The following PTPRM variants were observed in gnomAD, a reference collection of about 807,000 sequenced individuals.
The protein encoded by PTPRM is receptor-type tyrosine-protein phosphatase mu.
A neutral mutation model predicts 186.7 loss-of-function variants in PTPRM; 47 were observed. That is an observed-to-expected ratio of 0.25 (90% CI 0.20 to 0.32). The LOEUF (loss-of-function observed/expected upper bound fraction) is 0.32, where lower values mean the gene tolerates loss of function less well. Among genes scored for constraint, PTPRM ranks in the 10% least tolerant of loss-of-function variants. The pLI is 1.00. For missense variants in PTPRM, 1,494 were observed against 1,865.0 expected (o/e 0.80, Z 3.66); for synonymous variants, 668 against 674.9 (o/e 0.99, Z 0.16).
intron 2 of PTPRM, among the ~76,000 whole-genome samples, chr18:7,870,661 A>G (rs2047937819): frequency 6.6e-6 from 1 of 152,204 alleles, no homozygotes; most frequent in Non-Finnish European, 1.5e-5. Flanking sequence ...AAAAAATCTG[A>G]TAGACAATTT....
intron 14 of PTPRM, chr18:8,155,139 C>T (rs898295827): frequency 6.6e-6 from 1 of 151,948 alleles, no homozygotes; most frequent in African/African-American, 2.4e-5. Flanking sequence ...CAGGTTTCAT[C>T]CATGTATAAT....
intron 14 of PTPRM, among the ~76,000 whole-genome samples, chr18:8,210,320 G>C (rs942897794): frequency 3.3e-5 from 5 of 152,074 alleles, no homozygotes; most frequent in Non-Finnish European, 7.4e-5. Context: ...CAAAAAAAGG[G>C]GTTGGGGGTG....
intron 7 of PTPRM, among the ~76,000 whole-genome samples, chr18:7,991,078 GA>G (rs1462009930): frequency 6.6e-6 from 1 of 152,124 alleles, no homozygotes; most frequent in Non-Finnish European, 1.5e-5. Context: ...TGAGAATGAA[GA>G]AACCATGAAT....
At chr18:7,864,856 G>A (rs2047596437) in intron 2 of PTPRM, among the ~76,000 whole-genome samples, 2 of 152,264 alleles carry the variant, frequency 1.3e-5, no homozygotes, top group East Asian at 1.9e-4. Flanking sequence ...ATTTGGCTGT[G>A]TCCTCACTTA....
chr18:7,931,499 G>A (rs919636323), intron 5 of PTPRM, among the ~76,000 whole-genome samples: 5 of 152,024 alleles, frequency 3.3e-5, no homozygotes, highest in Non-Finnish European at 7.4e-5. Flanking sequence ...AGATCAGATC[G>A]AGACCATCCT....
intron 32 of PTPRM, among the ~76,000 whole-genome samples, chr18:8,402,481 C>T (rs981411692): frequency 1.3e-5 from 2 of 152,192 alleles, no homozygotes; most frequent in African/African-American, 2.4e-5. Context: ...CATCTCTCCA[C>T]TAGGTGCATT....
intron 1 of PTPRM, among the ~76,000 whole-genome samples, chr18:7,705,964 TAA>T (rs2040078851): frequency 6.8e-6 from 1 of 147,794 alleles, no homozygotes; most frequent in South Asian, 2.1e-4. Context: ...TATATATATA[TAA>T]AAGGTAACAT....
chr18:7,631,890 A>T (rs1282589681), intron 1 of PTPRM, among the ~76,000 whole-genome samples: 1 of 152,240 alleles, frequency 6.6e-6, no homozygotes, highest in East Asian at 1.9e-4. Context: ...ATGCATAGTT[A>T]TTAACACTAA....
chr18:8,097,515 A>T (rs575301348), intron 11 of PTPRM, among the ~76,000 whole-genome samples: 9 of 152,350 alleles, frequency 5.9e-5, no homozygotes, highest in Admixed American at 2.6e-4. Flanking sequence ...TAGGATTGAC[A>T]CTTGGCTACT....
intron 31 of PTPRM, among the ~76,000 whole-genome samples, chr18:8,393,344 A>G (rs1265545345): frequency 6.6e-6 from 1 of 152,244 alleles, no homozygotes; most frequent in Non-Finnish European, 1.5e-5. Flanking sequence ...ATAGTTTGTG[A>G]TGACTTCTCA....
chr18:7,823,994 T>C (rs1387804922), intron 2 of PTPRM, among the ~76,000 whole-genome samples: 1 of 152,200 alleles, frequency 6.6e-6, no homozygotes, highest in Non-Finnish European at 1.5e-5. Context: ...TCTGTCTTTA[T>C]TGGCCCCTTG....
rs2048708561 is a variant in PTPRM at position 7,884,953 on chromosome 18, G to GAAAAAAAAAAAAAAAAAA, written c.197-3152_197-3151insAAAAAAAAAAAAAAAAAA. ...AAAAAAAAAAAAAAAAAAAAAAAAG[G>GAAAAAAAAAAAAAAAAAA]AGAGAGAGAAAATAGCAGATCTTGT... On this transcript the variant is annotated intron_variant, in intron 2 of 32. Coordinates refer to ENST00000580170, the MANE Select transcript of PTPRM (RefSeq NM_001105244.2). 8.1e-5 allele frequency among the ~76,000 whole-genome samples: 9 copies of GAAAAAAAAAAAAAAAAAA among 110,514 alleles called. No individual in the cohort carries two copies. In the South Asian group the frequency reaches 1.0e-3, roughly 12 times the overall value. The allele number at this position is 110,514 out of a possible 152,430, so 72.5% of individuals were successfully genotyped here. A position where few individuals can be genotyped will look rare whatever the true frequency, so the allele number is the denominator to read the frequency against.
chr18:8,138,897 C>CGGATGCTCCCTGT (rs2092699987), intron 13 of PTPRM, among the ~76,000 whole-genome samples: 1 of 152,118 alleles, frequency 6.6e-6, no homozygotes, highest in Non-Finnish European at 1.5e-5. Flanking sequence ...CTGCTCCGTG[C>CGGATGCTCCCTGT]GGATGCTCCC....
Position 8,263,141 on chromosome 18 carries a change from C to G in PTPRM, c.2754+9727C>G, listed in dbSNP as rs928792285. ...TTTTTTTTTTCAAGGTGGAGTCTCA[C>G]TCTGCTGCCCAGGTTGGAATGCAGT... is the stretch of plus-strand genomic sequence containing the variant. On this transcript the variant is annotated intron_variant, in intron 19 of 32. Coordinates refer to ENST00000580170, the MANE Select transcript of PTPRM (RefSeq NM_001105244.2). Among the ~76,000 whole-genome samples, 4 of 151,968 alleles carry G rather than the reference C, an allele frequency of 2.6e-5. 1 individual carries two copies. Among genetic ancestry groups the G allele is most frequent in the Non-Finnish European group, 5.9e-5 (4 of 68,002 alleles).
rs141618124 is a variant in PTPRM, at chr18:8,020,935, A to G, written c.1133-48751A>G. Among the ~76,000 whole-genome samples the G allele has an allele frequency of 2.8e-4, 42 of 152,196 alleles. No individual in the cohort carries two copies. The East Asian group carries it at 7.9e-3, about 29-fold the overall frequency. The stretch of plus-strand genomic sequence containing the variant: ...AAGCCCCTGCACTTGTAATTCACCA[A>G]AGTTTCCCAGACACAGTTCCAGTGG... On this transcript the variant is annotated intron_variant, in intron 7 of 32. Transcript: ENST00000580170.
intron 31 of PTPRM, among the ~76,000 whole-genome samples, chr18:8,388,054 A>G (rs746022326): frequency 2.0e-5 from 3 of 152,044 alleles, no homozygotes; most frequent in East Asian, 1.9e-4. Context: ...GGTGATTTCA[A>G]TGTGTTGAGA....
chr18:7,666,360 A>G (rs2039094387), intron 1 of PTPRM, among the ~76,000 whole-genome samples: 1 of 152,196 alleles, frequency 6.6e-6, no homozygotes, highest in Non-Finnish European at 1.5e-5. Flanking sequence ...GAATGATAAC[A>G]CTAATAACAC....
chr18:7,692,927 C>T (rs1446666277), intron 1 of PTPRM, among the ~76,000 whole-genome samples: 2 of 152,134 alleles, frequency 1.3e-5, no homozygotes, highest in Admixed American at 6.5e-5. Context: ...AGTTCAAGAA[C>T]AAAACCTTGG....
At chr18:7,855,675 G>T (rs1567921642) in intron 2 of PTPRM, among the ~76,000 whole-genome samples, 1 of 152,128 alleles carries the variant, frequency 6.6e-6, no homozygotes, top group Non-Finnish European at 1.5e-5. Flanking sequence ...GAGCTTCTTG[G>T]TAACTAAGCT....
Sources: gnomAD v4.1 joint callset for allele counts (sites outside exome capture counted in the v4.1 genomes callset) on GRCh38, gnomAD v4.1.1 for gene constraint, MANE v1.5 for transcripts, NCBI Gene and HGNC (gene_info 2026-07-23, HGNC 2026-07-21) for gene names.